The following ATP6V1C2 variants were observed in gnomAD, a reference collection of about 807,000 sequenced individuals.
ATP6V1C2 encodes V-type proton ATPase subunit C 2.
Under a neutral mutation model 56.8 loss-of-function variants are expected in ATP6V1C2, and 45 were observed. That is an observed-to-expected ratio of 0.79 (90% confidence interval 0.62 to 1.02). ATP6V1C2 has a LOEUF of 1.02. Among genes scored for constraint, ATP6V1C2 ranks in the 50% least tolerant of loss-of-function variants. The probability of loss-of-function intolerance (pLI) is 0.00; values close to 1 mark genes in which losing one functional copy is unlikely to be tolerated. For synonymous variants in ATP6V1C2, 220 were observed against 201.3 expected (o/e 1.09, Z -0.79); for missense variants, 463 against 519.7 (o/e 0.89, Z 1.06).
chr2:10,779,428 A>AAT (rs1553335345), intron 12 of ATP6V1C2, among the ~76,000 whole-genome samples: 64 of 138,336 alleles, frequency 4.6e-4, no homozygotes, highest in Admixed American at 1.1e-3. Context: ...TAAAAAAAAA[A>AAT]ATATATATAT....
chr2:10,751,419 A>C (rs2148454211), intron 3 of ATP6V1C2, among the ~76,000 whole-genome samples: 1 of 152,330 alleles, frequency 6.6e-6, no homozygotes, highest in East Asian at 1.9e-4. Context: ...CCCATTTTAC[A>C]GCTGAAAACT....
chr2:10,725,968 A>G (rs898033594), intron 2 of ATP6V1C2, among the ~76,000 whole-genome samples: 1 of 151,874 alleles, frequency 6.6e-6, no homozygotes, highest in Non-Finnish European at 1.5e-5. Flanking sequence ...AATCCCAGCT[A>G]CCTAGGAAGG....
Position 10,780,951 on chromosome 2 carries a change from G to A in ATP6V1C2, c.1062-1292G>A, listed in dbSNP as rs1486410091. 6.6e-6 allele frequency among the ~76,000 whole-genome samples: 1 copy of A among 152,098 alleles called. No individual in the cohort carries two copies. The highest frequency in any genetic ancestry group is 6.5e-5 in the Admixed American group (1 of 15,272). On this transcript the variant is annotated intron_variant, in intron 12 of 13. Transcript: ENST00000272238. The surrounding 1 kb of genome is among the most constrained non-coding windows in gnomAD (Gnocchi z 4.1). ...GTAGCGACGGGGTTTCACCACGTTG[G>A]CCAGGCTGGTCTTGAACTCCTGACC...
At chr2:10,745,387 C>A (rs1181278959) in intron 3 of ATP6V1C2, among the ~76,000 whole-genome samples, 3 of 134,392 alleles carry the variant, frequency 2.2e-5, no homozygotes, top group Non-Finnish European at 3.2e-5. Flanking sequence ...CAGAGTCTCA[C>A]TCTGTCGCCC....
chr2:10,726,477 T>C (rs199712045), intron 2 of ATP6V1C2, 25 bp from the exon 3 acceptor site: 778 of 1,602,896 alleles, frequency 4.9e-4, no homozygotes, highest in Non-Finnish European at 6.3e-4. Flanking sequence ...CCTGTGAGCC[T>C]CTGACGTTTT....
intron 4 of ATP6V1C2, among the ~76,000 whole-genome samples, chr2:10,762,440 G>A (rs573826572): frequency 2.0e-5 from 3 of 152,164 alleles, no homozygotes; most frequent in African/African-American, 4.8e-5. Flanking sequence ...CACCACGCCC[G>A]GCAAAGCATA....
intron 12 of ATP6V1C2, 130 bp downstream of exon 12, chr2:10,778,799 G>A (rs1665163075): frequency 2.4e-6 from 2 of 829,562 alleles, no homozygotes; most frequent in Non-Finnish European, 4.0e-6. Flanking sequence ...TGTGGCTGTT[G>A]GCAACACGCT....
At chr2:10,728,962 C>CAAAAAAAAAAA (rs1282538752) in intron 3 of ATP6V1C2, among the ~76,000 whole-genome samples, 1 of 112,746 alleles carries the variant, frequency 8.9e-6, no homozygotes, top group Non-Finnish European at 1.8e-5. Flanking sequence ...CATGAAAATA[C>CAAAAAAAAAAA]AAAAAAAAAA....
At chr2:10,726,611 CATT>C (rs1275700406) in intron 3 of ATP6V1C2, 42 bp downstream of exon 3, 1 of 1,536,234 alleles carries the variant, frequency 6.5e-7, no homozygotes, top group Admixed American at 1.7e-5. Flanking sequence ...GAGAATTTGA[CATT>C]GTTGTCAGAG....
chr2:10,762,509 G>A (rs541539326), intron 4 of ATP6V1C2, among the ~76,000 whole-genome samples: 5 of 152,128 alleles, frequency 3.3e-5, no homozygotes, highest in African/African-American at 7.2e-5. Flanking sequence ...AGTGCCAGCC[G>A]CTTTAATGGT....
rs574790671 is a variant in ATP6V1C2 at position 10,723,185 on chromosome 2, T to A, written c.129+207T>A. Reference sequence around the variant, plus strand: ...AGTCCCAAATAAATTGTGATACCTATGTAGATGCAGCCACAGGAAGGAATG... The same window carrying A: ...AGTCCCAAATAAATTGTGATACCTAAGTAGATGCAGCCACAGGAAGGAATG... On this transcript the variant is annotated intron_variant, in intron 2 of 13. Transcript: ENST00000272238. 1.2e-4 allele frequency among the ~76,000 whole-genome samples: 18 copies of A among 152,260 alleles called. No individual in the cohort carries two copies. In the East Asian group the frequency reaches 3.3e-3, roughly 28 times the overall value.
At chr2:10,722,186 G>A (rs1661405037) in intron 1 of ATP6V1C2, among the ~76,000 whole-genome samples, 1 of 152,158 alleles carries the variant, frequency 6.6e-6, no homozygotes, top group Admixed American at 6.5e-5. Context: ...GGCCGTAGAG[G>A]CTGCAGACGC....
chr2:10,752,698 C>T (rs1320184666), intron 3 of ATP6V1C2, among the ~76,000 whole-genome samples: 2 of 152,082 alleles, frequency 1.3e-5, no homozygotes, highest in Non-Finnish European at 2.9e-5. Flanking sequence ...ATAATTACAT[C>T]AATTTAGCTA....
intron 3 of ATP6V1C2, among the ~76,000 whole-genome samples, chr2:10,733,748 G>A (rs528872519): frequency 1.4e-4 from 22 of 152,158 alleles, no homozygotes; most frequent in South Asian, 1.2e-3. Flanking sequence ...GCGCTGGGGC[G>A]GTCAGCGGGA....
intron 2 of ATP6V1C2, among the ~76,000 whole-genome samples, chr2:10,724,674 CTT>C (rs61085771): frequency 3.8e-3 from 473 of 124,544 alleles, no homozygotes; most frequent in Admixed American, 5.0e-3. Context: ...TTCCTAATTA[CTT>C]TTTTTTTTTT....
At chr2:10,757,906 GC>G (rs370348728) in intron 4 of ATP6V1C2, among the ~76,000 whole-genome samples, 1,559 of 152,330 alleles carry the variant, frequency 0.01, 12 homozygotes, top group Non-Finnish European at 0.014. Flanking sequence ...CAGTCCCGGT[GC>G]CCAAACAGGT....
upstream of ATP6V1C2, among the ~76,000 whole-genome samples, chr2:10,721,495 C>T (rs1218693121): frequency 6.6e-6 from 1 of 152,134 alleles, no homozygotes; most frequent in Non-Finnish European, 1.5e-5. Flanking sequence ...CTGCCCGGCG[C>T]CTGCACCTGC....
intron 3 of ATP6V1C2, among the ~76,000 whole-genome samples, chr2:10,735,425 G>A (rs1343894294): frequency 6.6e-6 from 1 of 151,996 alleles, no homozygotes; most frequent in African/African-American, 2.4e-5. Flanking sequence ...CCACCCCGTC[G>A]GCCTCCCCAA....
In ATP6V1C2 at chr2:10,764,418, T is replaced by C. The variant is rs1225772560; in HGVS notation, c.371T>C (p.Ile124Thr). The change falls in exon 5 of 14, where the codon ATA becomes ACA. Residue 124 changes from isoleucine to threonine, a missense_variant. Transcript: ENST00000272238. Reference sequence around the variant, plus strand: ...CCGCTCGTGAGTGTGGTGGACACAATAGCCAAGGTGAGAAAAGGGACTGCT... The same window carrying C: ...CCGCTCGTGAGTGTGGTGGACACAACAGCCAAGGTGAGAAAAGGGACTGCT... ...KQPLVSVVDT[I>T]AKQLAQIEMD... 6.8e-6 allele frequency: 11 copies of C among 1,613,788 alleles called. No homozygotes were observed. The highest frequency in any genetic ancestry group is 1.7e-5 in the Admixed American group (1 of 60,010).
Sources: gnomAD v4.1 joint callset for allele counts (sites outside exome capture counted in the v4.1 genomes callset) on GRCh38, gnomAD v4.1.1 for gene constraint, Gnocchi (gnomAD v3.1) non-coding constraint, MANE v1.5 for transcripts, NCBI Gene and HGNC (gene_info 2026-07-23, HGNC 2026-07-21) for gene names.